Variants in SGSM3 observed in about 807,000 individuals in gnomAD.
SGSM3 encodes RUN and SH3 containing 3.
A neutral mutation model predicts 100.5 loss-of-function variants in SGSM3; 96 were observed. The ratio of observed to expected loss-of-function variants is 0.96; its 90% CI spans 0.81 to 1.13. SGSM3 has a LOEUF of 1.13. Among genes scored for constraint, SGSM3 ranks in the 50% most tolerant of loss-of-function variants. The probability of loss-of-function intolerance (pLI) is 0.00; values close to 1 mark genes in which losing one functional copy is unlikely to be tolerated. For missense variants in SGSM3, 1,001 were observed against 1,015.8 expected (o/e 0.99, Z 0.20); for synonymous variants, 483 against 422.8 (o/e 1.14, Z -1.75).
intron 4 of SGSM3, 88 bp from the exon 5 acceptor site, chr22:40,404,159 C>G: frequency 8.6e-7 from 1 of 1,166,724 alleles, no homozygotes; most frequent in Non-Finnish European, 1.2e-6. Context: ...CCATGAAGCT[C>G]AGACCCTCCT....
At position 40,409,864 on chromosome 22, in the gene SGSM3, G is replaced by A. The variant is rs115424569; in HGVS notation, c.*105G>A. 23,952 of 1,474,928 alleles carry A rather than the reference G, an allele frequency of 0.016. 271 individuals are homozygous for A. Among genetic ancestry groups the A allele is most frequent in the African/African-American group, 0.054 (3,832 of 70,876 alleles). The allele number at this position is 1,474,928 out of a possible 1,614,324, so 91.4% of individuals were successfully genotyped here. On this transcript the variant is annotated 3_prime_UTR_variant, in exon 22 of 22. Coordinates refer to ENST00000248929, the MANE Select transcript of SGSM3 (RefSeq NM_015705.6). ...GCTCCAGAGCCCTGGCCGGGGCCGC[G>A]GGATATCAATATCAGGCTGCCCCAC...
At chr22:40,397,692 C>G (rs1225295895) in intron 1 of SGSM3, among the ~76,000 whole-genome samples, 1 of 152,206 alleles carries the variant, frequency 6.6e-6, no homozygotes, top group Non-Finnish European at 1.5e-5. Flanking sequence ...CCCAGCCCCT[C>G]CAGCCTGCTG....
chr22:40,398,905 A>C (rs1215407827), intron 1 of SGSM3, among the ~76,000 whole-genome samples: 1 of 140,482 alleles, frequency 7.1e-6, no homozygotes, highest in Non-Finnish European at 1.5e-5. Flanking sequence ...ACGTGAAGTA[A>C]ACTTGCCCAC....
chr22:40,400,510 G>A (rs2050608151), intron 1 of SGSM3, among the ~76,000 whole-genome samples, 186 bp from the exon 2 acceptor site: 1 of 152,094 alleles, frequency 6.6e-6, no homozygotes, highest in Non-Finnish European at 1.5e-5. Context: ...GGGTGTGGTG[G>A]TGCAACCCTG....
intron 1 of SGSM3, among the ~76,000 whole-genome samples, chr22:40,374,456 A>C (rs968548087): frequency 6.6e-6 from 1 of 152,258 alleles, no homozygotes; most frequent in Admixed American, 6.5e-5. Flanking sequence ...AGAGTCTGAC[A>C]GATCTGGTAA....
intron 1 of SGSM3, 61 bp from the exon 2 acceptor site, chr22:40,400,635 C>CTCTG (rs1491272128): frequency 1.6e-6 from 1 of 635,038 alleles, no homozygotes; most frequent in African/African-American, 1.9e-5. Context: ...CCAAGCGAGA[C>CTCTG]TCTGTCTAAA....
chr22:40,395,302 A>G (rs2049898104), intron 1 of SGSM3, among the ~76,000 whole-genome samples: 1 of 152,030 alleles, frequency 6.6e-6, no homozygotes, highest in South Asian at 2.1e-4. Context: ...TTTCTAAATA[A>G]GCATTTAAAT....
intron 1 of SGSM3, among the ~76,000 whole-genome samples, chr22:40,377,335 A>T (rs1276037031): frequency 6.6e-6 from 1 of 152,200 alleles, no homozygotes; most frequent in Non-Finnish European, 1.5e-5. Context: ...CTTCATCACA[A>T]CCACAGGCTA....
chr22:40,395,538 T>C (rs1483386829), intron 1 of SGSM3, among the ~76,000 whole-genome samples: 4 of 152,102 alleles, frequency 2.6e-5, no homozygotes, highest in Non-Finnish European at 5.9e-5. Context: ...GCCAGGTTGG[T>C]CTCGAACTCC....
rs1360983892 is a variant in SGSM3, at chr22:40,407,390, T to G, written c.1369-23T>G. 5.6e-6 allele frequency: 9 copies of G among 1,611,348 alleles called. No homozygotes were observed. Among genetic ancestry groups the G allele is most frequent in the Non-Finnish European group, 7.6e-6 (9 of 1,178,470 alleles). On this transcript the variant is annotated intron_variant, in intron 12 of 21. Transcript: ENST00000248929. This position sits in a 1 kb window ranked among gnomAD's most constrained non-coding sequence, Gnocchi z 4.7. The stretch of plus-strand genomic sequence containing the variant: ...GCCCTAACTCCTCCAACCCCCTTGG[T>G]GGGCCTGTGTTCACTGTGGCAGGAG...
At position 40,408,446 on chromosome 22, in the gene SGSM3, G is replaced by A. The variant is rs748168286; in HGVS notation, c.1782+17G>A. 1.2e-6 allele frequency: 2 copies of A among 1,613,162 alleles called. No individual in the cohort carries two copies. Among genetic ancestry groups the A allele is most frequent in the East Asian group, 2.2e-5 (1 of 44,868 alleles). ...ATCGAGGAGGTAAGTCAGTGGCTGG[G>A]CCCATGACCCCCACCCTGCACCAGC... On this transcript the variant is annotated intron_variant, in intron 16 of 21. Coordinates refer to ENST00000248929, the MANE Select transcript of SGSM3 (RefSeq NM_015705.6).
At chr22:40,372,974 A>G (rs2045881315) in intron 1 of SGSM3, 1 of 152,250 alleles carries the variant, frequency 6.6e-6, no homozygotes, top group Admixed American at 6.5e-5. Flanking sequence ...TGGGAATAGC[A>G]CAATGAGTGT....
chr22:40,402,755 A>G (rs1933431898), intron 4 of SGSM3, among the ~76,000 whole-genome samples: 1 of 152,226 alleles, frequency 6.6e-6, no homozygotes, highest in African/African-American at 2.4e-5. Context: ...AGAAAAAAGC[A>G]TATTTTCAAT....
At chr22:40,403,468 G>A (rs2051019618) in intron 4 of SGSM3, among the ~76,000 whole-genome samples, 1 of 152,178 alleles carries the variant, frequency 6.6e-6, no homozygotes, top group Non-Finnish European at 1.5e-5. Flanking sequence ...ATTTTAGTGA[G>A]GGAGACAGGC....
chr22:40,384,471 A>G (rs866102089), intron 1 of SGSM3, among the ~76,000 whole-genome samples: 1 of 151,504 alleles, frequency 6.6e-6, no homozygotes, highest in Admixed American at 6.6e-5. Context: ...AACAAAAATT[A>G]AAAAAAAATT....
Position 40,409,731 on chromosome 22 carries a change from A to G in SGSM3, c.2222A>G (p.His741Arg), listed in dbSNP as rs778513910. ...EGVRDMLVKH[H>R]LFSWDVDG is the part of the protein sequence containing the mutation. ...GTCCGGGACATGCTGGTGAAGCACC[A>G]CCTCTTCAGCTGGGATGTGGACGGG... The change falls in exon 22 of 22, where the codon CAC (histidine) becomes CGC (arginine). Residue 741 changes from histidine (H) to arginine (R), a missense_variant. Coordinates refer to ENST00000248929, the MANE Select transcript of SGSM3 (RefSeq NM_015705.6). The G allele has an allele frequency of 6.2e-7, 1 of 1,610,572 alleles. No individual in the cohort carries two copies. Among genetic ancestry groups the G allele is most frequent in the Non-Finnish European group, 8.5e-7 (1 of 1,179,534 alleles).
intron 1 of SGSM3, among the ~76,000 whole-genome samples, chr22:40,394,419 G>A (rs950187055): frequency 3.3e-5 from 5 of 152,070 alleles, no homozygotes; most frequent in African/African-American, 1.2e-4. Flanking sequence ...AGGCTGAGGC[G>A]GGTGGATCAC....
chr22:40,397,986 T>A (rs34580997), intron 1 of SGSM3, among the ~76,000 whole-genome samples: 1 of 148,980 alleles, frequency 6.7e-6, no homozygotes, highest in East Asian at 1.9e-4. Context: ...TTTTTTTTTT[T>A]TTTTGAGATG....
chr22:40,390,980 T>G (rs2049280848), intron 1 of SGSM3, among the ~76,000 whole-genome samples: 1 of 152,172 alleles, frequency 6.6e-6, no homozygotes, highest in East Asian at 1.9e-4. Flanking sequence ...CAGATACACA[T>G]GTACATAAAT....
Sources: allele counts gnomAD v4.1 joint callset (sites outside exome capture counted in the v4.1 genomes callset), GRCh38; gene constraint gnomAD v4.1.1; non-coding constraint Gnocchi (gnomAD v3.1); transcripts MANE v1.5; gene names NCBI Gene and HGNC (gene_info 2026-07-23, HGNC 2026-07-21).